HMCN1: variants seen among roughly 807,000 people sequenced by gnomAD.
HMCN1 encodes hemicentin 1.
Under a neutral mutation model 625.9 loss-of-function variants are expected in HMCN1, and 321 were observed. The observed-to-expected ratio is 0.51, with a 90% confidence interval of 0.47 to 0.56. The LOEUF (loss-of-function observed/expected upper bound fraction) is 0.56. HMCN1 is among the 20% of genes least tolerant of loss of function. The pLI is 0.00. For missense variants in HMCN1, 6,588 were observed against 6,887.3 expected (o/e 0.96, Z 1.54); for synonymous variants, 2,425 against 2,417.6 (o/e 1.00, Z -0.09).
intron 64 of HMCN1, among the ~76,000 whole-genome samples, chr1:186,092,721 TTG>T (rs1659907663): frequency 6.6e-6 from 1 of 152,000 alleles, no homozygotes. Flanking sequence ...AATGATCCTA[TTG>T]TGTTTTTTAT....
At chr1:186,083,038 C>G in intron 57 of HMCN1, 77 bp downstream of exon 57, 1 of 746,084 alleles carries the variant, frequency 1.3e-6, no homozygotes, top group Non-Finnish European at 2.2e-6. Context: ...ATTATGTAGG[C>G]TTATTTTGTA....
intron 75 of HMCN1, among the ~76,000 whole-genome samples, chr1:186,115,674 G>A (rs1661100007): frequency 1.3e-5 from 2 of 151,914 alleles, no homozygotes; most frequent in Admixed American, 1.3e-4. Context: ...TGCCTTATTT[G>A]TTTAGTACCT....
At chr1:186,158,718 G>T (rs1014365918) in intron 97 of HMCN1, among the ~76,000 whole-genome samples, 16 of 152,056 alleles carry the variant, frequency 1.1e-4, no homozygotes, top group African/African-American at 3.6e-4. Context: ...CTTGTTTCTG[G>T]GAGGTTTGTC....
At chr1:186,174,754 T>C in intron 103 of HMCN1, 112 bp downstream of exon 103, 3 of 952,256 alleles carry the variant, frequency 3.2e-6, no homozygotes, top group Non-Finnish European at 5.0e-6. Flanking sequence ...GTTACAATAA[T>C]AAGGTATGTG....
chr1:186,145,264 T>G (rs1471985621), intron 91 of HMCN1, 139 bp from the exon 92 acceptor site: 1 of 736,290 alleles, frequency 1.4e-6, no homozygotes, highest in African/African-American at 1.8e-5. Flanking sequence ...CTTTGGAAGT[T>G]GCCTATTTAT....
Position 186,053,914 on chromosome 1 carries a change from G to A in HMCN1, c.6790G>A (p.Ala2264Thr), listed in dbSNP as rs749109395. Reference protein sequence around the residue: ...LQISIAEKSDAALYSCVASNV... With the variant: ...LQISIAEKSDTALYSCVASNV... Reference sequence around the variant, plus strand: ...AATTTCAATTGCTGAAAAGTCTGATGCAGCACTCTATTCATGTGTGGCGTC... The same window carrying A: ...AATTTCAATTGCTGAAAAGTCTGATACAGCACTCTATTCATGTGTGGCGTC... Residue 2264 changes from alanine (A) to threonine (T), a missense_variant, in exon 44 of 107, where the codon GCA (alanine) becomes ACA (threonine). Ala to Thr is a moderately conservative substitution (Grantham distance 58, BLOSUM62 0). Around this residue, in one of 3 missense-constraint regions of HMCN1, gnomAD observed 4,628 missense variants for 4,853.1 expected, o/e 0.95. Transcript: ENST00000271588. 3.1e-6 allele frequency: 5 copies of A among 1,612,618 alleles called. No homozygotes were observed. In the African/African-American group the frequency reaches 4.0e-5, roughly 13 times the overall value.
At chr1:186,055,773 A>G in intron 45 of HMCN1, 99 bp downstream of exon 45, 1 of 1,172,044 alleles carries the variant, frequency 8.5e-7, no homozygotes. Context: ...TCATTTATTT[A>G]TAACCCATCA....
At chr1:185,908,094 A>AGT (rs1666197513) in intron 4 of HMCN1, among the ~76,000 whole-genome samples, 1 of 152,024 alleles carries the variant, frequency 6.6e-6, no homozygotes, top group African/African-American at 2.4e-5. Flanking sequence ...AATGACTGAA[A>AGT]GTGTGGTCAT....
intron 4 of HMCN1, among the ~76,000 whole-genome samples, chr1:185,887,437 C>T (rs1349992916): frequency 6.6e-6 from 1 of 150,924 alleles, no homozygotes; most frequent in Non-Finnish European, 1.5e-5. Context: ...AGGTATATCT[C>T]CCAATGCTAT....
intron 94 of HMCN1, 98 bp downstream of exon 94, chr1:186,151,447 A>T: frequency 7.6e-7 from 1 of 1,315,180 alleles, no homozygotes; most frequent in Non-Finnish European, 1.1e-6. Flanking sequence ...ACTAACTCAT[A>T]AGTATGGTAA....
At chr1:185,955,592 T>C (rs1006828367) in intron 11 of HMCN1, among the ~76,000 whole-genome samples, 3 of 152,196 alleles carry the variant, frequency 2.0e-5, no homozygotes, top group Non-Finnish European at 2.9e-5. Context: ...TAAAATATTA[T>C]TGATGCTGCT....
At chr1:185,804,693 T>C (rs1305511285) in intron 1 of HMCN1, among the ~76,000 whole-genome samples, 1 of 152,146 alleles carries the variant, frequency 6.6e-6, no homozygotes, top group African/African-American at 2.4e-5. Context: ...TTGTGTCTGT[T>C]TTTCACACCT....
intron 62 of HMCN1, 123 bp from the exon 63 acceptor site, chr1:186,088,480 AAAG>A: frequency 7.3e-7 from 1 of 1,376,622 alleles, no homozygotes; most frequent in Non-Finnish European, 9.7e-7. Context: ...CTTTTTTAAA[AAAG>A]AAAATGGAGA....
At position 185,744,419 on chromosome 1, in the gene HMCN1, C is replaced by T. The variant is rs369763714; in HGVS notation, c.268+9372C>T. On this transcript the variant is annotated intron_variant, in intron 1 of 106. Coordinates refer to ENST00000271588, the MANE Select transcript of HMCN1 (RefSeq NM_031935.3). ...GCATGTATGCTTTACTATATTGTTC[C>T]TTTGAGCCCTAGGCCACTGCCTCAT... Among the ~76,000 whole-genome samples the T allele has an allele frequency of 1.5e-4, 23 of 152,208 alleles. 1 individual carries two copies. Among genetic ancestry groups the T allele is most frequent in the African/African-American group, 5.3e-4 (22 of 41,524 alleles).
chr1:186,095,330 G>A lies in HMCN1; in HGVS notation c.10382G>A (p.Gly3461Glu). 1 of 1,613,756 alleles carries A rather than the reference G, an allele frequency of 6.2e-7. No individual in the cohort carries two copies. Among genetic ancestry groups the A allele is most frequent in the Non-Finnish European group, 8.5e-7 (1 of 1,179,854 alleles). The change falls in exon 68 of 107, where the codon GGA (glycine) becomes GAA (glutamate). Residue 3461 changes from glycine (G) to glutamate (E), a missense_variant. Transcript: ENST00000271588. The part of the protein sequence containing the change: ...SSTSMACITD[G>E]TPAPSMAWLR... ...ACCTCTATGGCATGCATTACTGATG[G>A]AACCCCAGCTCCCAGTATGGCCTGG...
At chr1:185,946,267 T>C (rs1400634154) in intron 11 of HMCN1, among the ~76,000 whole-genome samples, 5 of 152,192 alleles carry the variant, frequency 3.3e-5, no homozygotes, top group African/African-American at 1.2e-4. Flanking sequence ...AAGTGCTGTG[T>C]AGATCCACTT....
chr1:186,114,283 G>T (rs1395090239), intron 73 of HMCN1, among the ~76,000 whole-genome samples, 160 bp downstream of exon 73: 1 of 151,864 alleles, frequency 6.6e-6, no homozygotes. Flanking sequence ...CTGAGACAGA[G>T]TCTTGCTCTG....
intron 4 of HMCN1, among the ~76,000 whole-genome samples, chr1:185,883,177 T>A (rs893849996): frequency 6.6e-6 from 1 of 152,126 alleles, no homozygotes. Context: ...AAAGAAAGCA[T>A]GCTTATGACA....
chr1:185,888,684 C>A (rs1398745973), intron 4 of HMCN1, among the ~76,000 whole-genome samples: 1 of 147,316 alleles, frequency 6.8e-6, no homozygotes, highest in Admixed American at 6.6e-5. Flanking sequence ...GTTTTGGTAC[C>A]AGTACCATGC....
Sources: gnomAD v4.1 joint callset for allele counts (sites outside exome capture counted in the v4.1 genomes callset) on GRCh38, gnomAD v4.1.1 for gene constraint, gnomAD v4.1.1 regional missense constraint, MANE v1.5 for transcripts, NCBI Gene and HGNC (gene_info 2026-07-23, HGNC 2026-07-21) for gene names.